Variants in PROKR2 observed in about 807,000 individuals in gnomAD.
PROKR2 encodes the protein G protein-coupled receptor 73-like 1.
Under a neutral mutation model 23.4 loss-of-function variants are expected in PROKR2, and 26 were observed. That is an observed-to-expected ratio of 1.11 (90% confidence interval 0.81 to 1.54). The LOEUF is 1.54. PROKR2 is among the 40% of genes most tolerant of loss of function. The pLI, the probability that PROKR2 is intolerant of heterozygous loss-of-function variation, is 0.00. For synonymous variants in PROKR2, 212 were observed against 201.2 expected, an observed-to-expected ratio of 1.05 and a Z score of -0.45; for missense variants, 453 against 511.5, an observed-to-expected ratio of 0.89 and a Z score of 1.10.
rs758963987 is a variant in PROKR2, at chr20:5,314,106, G to A, written c.264C>T (p.Thr88=). 5 of 1,614,218 alleles carry A rather than the reference G, an allele frequency of 3.1e-6. No individual in the cohort carries two copies. Among genetic ancestry groups the A allele is most frequent in the Non-Finnish European group, 3.4e-6 (4 of 1,180,036 alleles). Residue 88 remains threonine (T), a synonymous_variant, in exon 2 of 3, where the codon ACC becomes ACT. Transcript: ENST00000678254. ...LTRYKKLRNL[T]NLLIANLAIS... is the part of the protein sequence containing the mutation. Reference sequence around the variant, plus strand: ...TGGCCAGGTTGGCAATGAGCAGATTGGTGAGGTTGCGCAACTTCTTATAGC... The same window carrying A: ...TGGCCAGGTTGGCAATGAGCAGATTAGTGAGGTTGCGCAACTTCTTATAGC...
In PROKR2 at chr20:5,301,657, A is replaced by T. The variant is rs1317165097; in HGVS notation, c.*383T>A. ...TCTGCTACTTTGTTATGTTTTTTATATGTTTTTGATTGTAATCAAATCAAG... is the reference window on the plus strand; with the variant it reads ...TCTGCTACTTTGTTATGTTTTTTATTTGTTTTTGATTGTAATCAAATCAAG... On this transcript the variant is annotated 3_prime_UTR_variant, in exon 3 of 3. Transcript: ENST00000678254. Among the ~76,000 whole-genome samples, 1 of 152,190 alleles carries T rather than the reference A, an allele frequency of 6.6e-6. No individual in the cohort carries two copies. Among genetic ancestry groups the T allele is most frequent in the East Asian group, 1.9e-4 (1 of 5,190 alleles).
chr20:5,312,381 A>C (rs1979475612), intron 2 of PROKR2, among the ~76,000 whole-genome samples: 1 of 152,208 alleles, frequency 6.6e-6, no homozygotes, highest in Non-Finnish European at 1.5e-5. Flanking sequence ...TGCTGGGATT[A>C]CAGACGTGAG....
intron 1 of PROKR2, among the ~76,000 whole-genome samples, chr20:5,314,760 G>A (rs1037402776): frequency 4.6e-5 from 7 of 152,160 alleles, no homozygotes; most frequent in Non-Finnish European, 1.0e-4. Context: ...CAGGGGCCAG[G>A]GCCTCTTTGT....
At chr20:5,304,781 C>T (rs114786080) in intron 2 of PROKR2, among the ~76,000 whole-genome samples, 4,220 of 152,242 alleles carry the variant, frequency 0.028, 133 homozygotes, top group East Asian at 0.089. Context: ...ATTGCAGATT[C>T]GGCTGTTCAG....
chr20:5,304,133 G>C (rs1048301973), intron 2 of PROKR2, among the ~76,000 whole-genome samples: 2 of 152,128 alleles, frequency 1.3e-5, no homozygotes, highest in Admixed American at 6.5e-5. Flanking sequence ...TGGGTGAAAA[G>C]TAGTTGCCCC....
In PROKR2 at chr20:5,314,158, T is replaced by C. The variant is rs775950405; in HGVS notation, c.212A>G (p.Asn71Ser). ...GGTGAGGGCAGCGATAAAGACAAAG[T>C]TACCGATGCCGCAGACCAGCATGAT... Reference protein sequence around the residue: ...AGIMLVCGIGNFVFIAALTRY... With the variant: ...AGIMLVCGIGSFVFIAALTRY... The change falls in exon 2 of 3, where the codon AAC becomes AGC. Residue 71 changes from asparagine (N) to serine (S), a missense_variant. Coordinates refer to ENST00000678254, the MANE Select transcript of PROKR2 (RefSeq NM_144773.4). 1 of 1,614,182 alleles carries C rather than the reference T, an allele frequency of 6.2e-7. No homozygotes were observed. Among genetic ancestry groups the C allele is most frequent in the South Asian group, 1.1e-5 (1 of 91,084 alleles).
At chr20:5,308,003 C>T (rs1014607118) in intron 2 of PROKR2, among the ~76,000 whole-genome samples, 1 of 152,080 alleles carries the variant, frequency 6.6e-6, no homozygotes, top group African/African-American at 2.4e-5. Context: ...CAGCTAGTAA[C>T]CCATTAAAAT....
chr20:5,303,856 G>A (rs929690116), intron 2 of PROKR2, among the ~76,000 whole-genome samples: 1 of 152,070 alleles, frequency 6.6e-6, no homozygotes, highest in Admixed American at 6.6e-5. Flanking sequence ...TGGTAAACAG[G>A]CCCCCCAAAA....
intron 2 of PROKR2, among the ~76,000 whole-genome samples, chr20:5,311,741 C>A (rs545630450): frequency 6.6e-6 from 1 of 152,290 alleles, no homozygotes; most frequent in African/African-American, 2.4e-5. Flanking sequence ...TATAAGCAGG[C>A]AGAAAAATGT....
At chr20:5,313,593 A>G (rs1342496345) in intron 2 of PROKR2, among the ~76,000 whole-genome samples, 1 of 152,026 alleles carries the variant, frequency 6.6e-6, no homozygotes, top group Non-Finnish European at 1.5e-5. Flanking sequence ...GCCCTAGTTA[A>G]CTCTCATGTG....
intron 2 of PROKR2, among the ~76,000 whole-genome samples, chr20:5,309,920 G>A (rs539084419): frequency 4.9e-4 from 74 of 152,296 alleles, no homozygotes; most frequent in African/African-American, 1.8e-3. Flanking sequence ...AAAATTCAGA[G>A]TTGTCATCAA....
At chr20:5,312,754 A>G (rs6038128) in intron 2 of PROKR2, among the ~76,000 whole-genome samples, 77,637 of 152,096 alleles carry the variant, frequency 0.51, 20,129 homozygotes, top group African/African-American at 0.61. Flanking sequence ...ACAATGGTGG[A>G]CAGCAACCAA....
At chr20:5,311,541 T>C (rs1433898662) in intron 2 of PROKR2, among the ~76,000 whole-genome samples, 1 of 152,222 alleles carries the variant, frequency 6.6e-6, no homozygotes, top group Non-Finnish European at 1.5e-5. Context: ...ATGGGAACAG[T>C]GCTTACTTTC....
intron 2 of PROKR2, among the ~76,000 whole-genome samples, chr20:5,309,429 T>C (rs73073733): frequency 0.51 from 77,355 of 151,780 alleles, 20,006 homozygotes; most frequent in African/African-American, 0.61. Flanking sequence ...CCAGGGCTGA[T>C]GACTTTTTCC....
rs748112834 is a variant in PROKR2 at position 5,302,170 on chromosome 20, T to A, written c.1025A>T (p.Lys342Met). ...CFVTVKNNTM[K>M]YFKKMMLLHW... ...CAGCAGCATCATCTTCTTGAAGTAC[T>A]TCATGGTGTTGTTCTTGACCGTCAC... Residue 342 changes from lysine to methionine, a missense_variant, in exon 3 of 3, where the codon AAG becomes ATG. Coordinates refer to ENST00000678254, the MANE Select transcript of PROKR2 (RefSeq NM_144773.4). 6.2e-7 allele frequency: 1 copy of A among 1,614,192 alleles called. No individual in the cohort carries two copies. The highest frequency in any genetic ancestry group is 1.3e-5 in the African/African-American group (1 of 75,044).
intron 2 of PROKR2, among the ~76,000 whole-genome samples, chr20:5,311,414 C>T (rs1157223647): frequency 1.3e-5 from 2 of 152,178 alleles, no homozygotes; most frequent in African/African-American, 4.8e-5. Flanking sequence ...AGGACCCACT[C>T]TGTTGTCTGT....
Position 5,316,036 on chromosome 20 carries a change from G to T in PROKR2, c.-9+458C>A. ...CGTCTAGAGGCGACATCCTGGCAAA[G>T]ACAGGAATCAAGTCAGAAATTCAGG... On this transcript the variant is annotated intron_variant, in intron 1 of 2. Coordinates refer to ENST00000678254, the MANE Select transcript of PROKR2 (RefSeq NM_144773.4). This position sits in a 1 kb window ranked among gnomAD's most constrained non-coding sequence, Gnocchi z 5.0. 1 of 456,760 alleles carries T rather than the reference G, an allele frequency of 2.2e-6. No homozygotes were observed. The highest frequency in any genetic ancestry group is 2.0e-5 in the African/African-American group (1 of 50,216). The allele number at this position is 456,760 out of a possible 1,614,324, so 28.3% of individuals were successfully genotyped here.
At position 5,301,237 on chromosome 20, in the gene PROKR2, TTTG is replaced by T. The variant is rs985006455; in HGVS notation, c.*800_*802del. Among the ~76,000 whole-genome samples, 1 of 152,122 alleles carries T rather than the reference TTTG, an allele frequency of 6.6e-6. No homozygotes were observed. The highest frequency in any genetic ancestry group is 1.5e-5 in the Non-Finnish European group (1 of 68,012). ...TTGTTGTTGTTTTGTTGTTTGTTTGTTTGTTTTTTTCCTGAGACAGAGTCTCAC... is the reference window on the plus strand; with the variant it reads ...TTGTTGTTGTTTTGTTGTTTGTTTGTTTTTTTTCCTGAGACAGAGTCTCAC... On this transcript the variant is annotated 3_prime_UTR_variant, in exon 3 of 3. Coordinates refer to ENST00000678254, the MANE Select transcript of PROKR2 (RefSeq NM_144773.4).
rs142314025 is a variant in PROKR2 at position 5,304,259 on chromosome 20, C to T, written c.459-1523G>A. Among the ~76,000 whole-genome samples, 318 of 151,994 alleles carry T rather than the reference C, an allele frequency of 2.1e-3. 1 individual carries two copies. The highest frequency in any genetic ancestry group is 7.4e-3 in the African/African-American group (305 of 41,488). Reference sequence around the variant, plus strand: ...TTGGCAGTTCCCTGTTAGAATACACCGCCCCAGATCAACAGGGAAATATTA... The same window carrying T: ...TTGGCAGTTCCCTGTTAGAATACACTGCCCCAGATCAACAGGGAAATATTA... On this transcript the variant is annotated intron_variant, in intron 2 of 2. Transcript: ENST00000678254.
Sources: allele counts gnomAD v4.1 joint callset (sites outside exome capture counted in the v4.1 genomes callset), GRCh38; gene constraint gnomAD v4.1.1; non-coding constraint Gnocchi (gnomAD v3.1); transcripts MANE v1.5; gene names NCBI Gene and HGNC (gene_info 2026-07-23, HGNC 2026-07-21).